The following OPCML variants were observed in gnomAD, a reference collection of about 807,000 sequenced individuals.
OPCML encodes the protein opioid binding protein/cell adhesion molecule like.
In OPCML, 13 loss-of-function variants were observed where a neutral mutation model predicts 37.8. The observed-to-expected ratio is 0.34, with a 90% CI of 0.22 to 0.55. The LOEUF (loss-of-function observed/expected upper bound fraction) is 0.55. Ranked by LOEUF, OPCML falls within the 20% of genes least tolerant of loss-of-function variation. OPCML has a pLI of 0.91. For synonymous variants in OPCML, 176 were observed against 168.8 expected, an observed-to-expected ratio of 1.04 and a Z score of -0.33; for missense variants, 341 against 435.6, an observed-to-expected ratio of 0.78 and a Z score of 1.93.
chr11:133,137,895 C>G (rs531794942), intron 1 of OPCML, among the ~76,000 whole-genome samples: 1 of 152,268 alleles, frequency 6.6e-6, no homozygotes, highest in African/African-American at 2.4e-5. Flanking sequence ...GGTTTGCAAA[C>G]AGCAAATTAC....
intron 1 of OPCML, among the ~76,000 whole-genome samples, chr11:133,330,131 A>G (rs929896017): frequency 2.0e-5 from 3 of 152,220 alleles, no homozygotes; most frequent in South Asian, 2.1e-4. Context: ...CAAAACCACA[A>G]TGAGATACCA....
At chr11:133,273,985 A>G (rs1941922224) in intron 1 of OPCML, among the ~76,000 whole-genome samples, 1 of 152,236 alleles carries the variant, frequency 6.6e-6, no homozygotes, top group African/African-American at 2.4e-5. Context: ...TTACTATTAT[A>G]CATGTAATAT....
intron 1 of OPCML, among the ~76,000 whole-genome samples, chr11:133,390,357 G>A (rs991598290): frequency 2.6e-5 from 4 of 152,130 alleles, no homozygotes; most frequent in Non-Finnish European, 4.4e-5. Flanking sequence ...CAGCTACTCG[G>A]GAGGCTGAGG....
At chr11:133,510,895 A>ACACATG (rs1565675637) in intron 1 of OPCML, among the ~76,000 whole-genome samples, 3 of 146,786 alleles carry the variant, frequency 2.0e-5, no homozygotes, top group African/African-American at 8.2e-5. Flanking sequence ...ATACACACAC[A>ACACATG]CACACACGCA....
intron 2 of OPCML, among the ~76,000 whole-genome samples, chr11:132,824,479 T>C (rs1940182667): frequency 6.6e-6 from 1 of 152,194 alleles, no homozygotes; most frequent in Non-Finnish European, 1.5e-5. Flanking sequence ...ATCCTCACTT[T>C]TTATCATCTC....
intron 3 of OPCML, among the ~76,000 whole-genome samples, chr11:132,591,983 T>C (rs79402420): frequency 1.3e-5 from 2 of 152,184 alleles, no homozygotes; most frequent in Non-Finnish European, 1.5e-5. Flanking sequence ...TGAGAGGAGA[T>C]GAACACTGGG....
chr11:132,545,691 C>T (rs2096367175), intron 3 of OPCML, among the ~76,000 whole-genome samples: 2 of 152,268 alleles, frequency 1.3e-5, no homozygotes, highest in South Asian at 2.1e-4. Flanking sequence ...ATATTATCAT[C>T]ATCCTTCCTA....
chr11:132,435,235 G>C, intron 7 of OPCML: 1 of 1,289,668 alleles, frequency 7.8e-7, no homozygotes, highest in Non-Finnish European at 1.0e-6. Context: ...GAAAACAAAA[G>C]ACATAGATCA....
chr11:132,986,238 C>G (rs988226661), intron 1 of OPCML, among the ~76,000 whole-genome samples: 5 of 152,154 alleles, frequency 3.3e-5, no homozygotes, highest in Admixed American at 2.6e-4. Flanking sequence ...ACTTACTCAT[C>G]TATCACTCTG....
At chr11:133,142,979 G>A (rs1446966493) in intron 1 of OPCML, among the ~76,000 whole-genome samples, 2 of 152,124 alleles carry the variant, frequency 1.3e-5, no homozygotes, top group African/African-American at 2.4e-5. Flanking sequence ...GCTGGCTCTT[G>A]TCCTTAGATG....
intron 2 of OPCML, among the ~76,000 whole-genome samples, chr11:132,755,340 C>A (rs546925980): frequency 7.9e-5 from 12 of 152,244 alleles, no homozygotes; most frequent in African/African-American, 2.6e-4. Flanking sequence ...ACAATATGGT[C>A]CTCATGCTTA....
chr11:132,680,084 C>T (rs902430311), intron 2 of OPCML, among the ~76,000 whole-genome samples: 2 of 152,192 alleles, frequency 1.3e-5, no homozygotes, highest in Admixed American at 1.3e-4. Flanking sequence ...CTACAGAGTG[C>T]AATTTCCCAT....
chr11:133,262,768 C>T (rs1216691948), intron 1 of OPCML, among the ~76,000 whole-genome samples: 1 of 151,948 alleles, frequency 6.6e-6, no homozygotes, highest in Non-Finnish European at 1.5e-5. Flanking sequence ...ATTAGAGGGT[C>T]ATTTTGGCCA....
chr11:133,286,898 G>A (rs1942314591), intron 1 of OPCML, among the ~76,000 whole-genome samples: 1 of 152,226 alleles, frequency 6.6e-6, no homozygotes, highest in South Asian at 2.1e-4. Context: ...TGCAGAGGAA[G>A]TTTGGATGAT....
rs1949088061 is a variant in OPCML, at chr11:133,101,764, C to A, written c.62-158754G>T. Among the ~76,000 whole-genome samples the A allele has an allele frequency of 2.6e-5, 4 of 152,150 alleles. No individual in the cohort carries two copies. The South Asian group carries it at 8.3e-4, about 32-fold the overall frequency. On this transcript the variant is annotated intron_variant, in intron 1 of 7. Coordinates refer to ENST00000524381, the MANE Select transcript of OPCML (RefSeq NM_001012393.5). Reference sequence around the variant, plus strand: ...ACTTATGCCCATAAAAACGCCTGCACATGGTTGTTTATGGAAACTTTGTTA... The same window carrying A: ...ACTTATGCCCATAAAAACGCCTGCAAATGGTTGTTTATGGAAACTTTGTTA...
intron 2 of OPCML, among the ~76,000 whole-genome samples, chr11:132,891,214 T>C (rs1011541965): frequency 6.6e-6 from 1 of 152,218 alleles, no homozygotes; most frequent in Admixed American, 6.5e-5. Flanking sequence ...CTGGCTGTCT[T>C]GGTTCAAGTG....
chr11:132,749,555 C>A (rs1390844334), intron 2 of OPCML, among the ~76,000 whole-genome samples: 1 of 152,070 alleles, frequency 6.6e-6, no homozygotes, highest in Non-Finnish European at 1.5e-5. Flanking sequence ...CAGTTGAATG[C>A]ACAAGTTTGG....
intron 1 of OPCML, among the ~76,000 whole-genome samples, chr11:133,483,966 T>C (rs1034218699): frequency 4.7e-5 from 6 of 126,626 alleles, no homozygotes; most frequent in Non-Finnish European, 7.9e-5. Flanking sequence ...ACAGATTATA[T>C]AGATAGGTAG....
intron 1 of OPCML, among the ~76,000 whole-genome samples, chr11:133,516,261 C>T (rs2120661584): frequency 6.6e-6 from 1 of 152,292 alleles, no homozygotes; most frequent in East Asian, 1.9e-4. Flanking sequence ...GACGCATCTC[C>T]CACCAGCAGA....
Sources: allele counts gnomAD v4.1 joint callset (sites outside exome capture counted in the v4.1 genomes callset), GRCh38; gene constraint gnomAD v4.1.1; transcripts MANE v1.5; gene names NCBI Gene and HGNC (gene_info 2026-07-23, HGNC 2026-07-21).